The following GRIN2B variants were observed in gnomAD, a reference collection of about 807,000 sequenced individuals.
GRIN2B encodes the protein glutamate receptor ionotropic, NMDA 2B.
A neutral mutation model predicts 114.5 loss-of-function variants in GRIN2B; 5 were observed. The ratio of observed to expected loss-of-function variants is 0.04; its 90% CI spans 0.02 to 0.09. The LOEUF (loss-of-function observed/expected upper bound fraction) is 0.09. Among genes scored for constraint, GRIN2B ranks in the 10% least tolerant of loss-of-function variants. The pLI, the probability that GRIN2B is intolerant of heterozygous loss-of-function variation, is 1.00. For missense variants in GRIN2B, 1,108 were observed against 1,943.5 expected (o/e 0.57, Z 8.08); for synonymous variants, 787 against 745.1 (o/e 1.06, Z -0.92).
intron 3 of GRIN2B, among the ~76,000 whole-genome samples, chr12:13,815,358 T>C (rs184810417): frequency 1.1e-4 from 17 of 150,634 alleles, no homozygotes; most frequent in African/African-American, 4.2e-4. Flanking sequence ...AGTAAAGGCA[T>C]CATTCAGAAC....
chr12:13,777,130 C>G (rs1473594736), intron 3 of GRIN2B, among the ~76,000 whole-genome samples: 1 of 152,156 alleles, frequency 6.6e-6, no homozygotes, highest in Non-Finnish European at 1.5e-5. Context: ...GTAAGAATCG[C>G]TTCTGAATAT....
intron 3 of GRIN2B, among the ~76,000 whole-genome samples, chr12:13,813,131 G>A (rs1864764449): frequency 6.6e-6 from 1 of 151,760 alleles, no homozygotes. Flanking sequence ...GTAGAGATAG[G>A]GTTTCACCAT....
In GRIN2B at chr12:13,832,997, T is replaced by C. The variant is rs139708638; in HGVS notation, c.411+32801A>G. Among the ~76,000 whole-genome samples, 780 of 152,282 alleles carry C rather than the reference T, an allele frequency of 5.1e-3. 3 individuals carry two copies. Among genetic ancestry groups the C allele is most frequent in the South Asian group, 0.013 (64 of 4,830 alleles). On this transcript the variant is annotated intron_variant, in intron 3 of 13. Transcript: ENST00000609686. Reference sequence around the variant, plus strand: ...TCTGATGAATAAAACATATCATGAATAAATAGTATGGAGGAACAAAGCGGA... The same window carrying C: ...TCTGATGAATAAAACATATCATGAACAAATAGTATGGAGGAACAAAGCGGA...
chr12:13,680,887 C>A (rs1950124698), intron 4 of GRIN2B, among the ~76,000 whole-genome samples: 1 of 152,144 alleles, frequency 6.6e-6, no homozygotes, highest in African/African-American at 2.4e-5. Context: ...AATCTACCTG[C>A]TTGCCTGCTT....
chr12:13,687,405 G>A (rs1950182024), intron 4 of GRIN2B, among the ~76,000 whole-genome samples: 2 of 151,880 alleles, frequency 1.3e-5, no homozygotes, highest in Non-Finnish European at 2.9e-5. Context: ...ACTTTGACTT[G>A]AAACTCCCCA....
At chr12:13,703,987 G>A (rs1158179464) in intron 4 of GRIN2B, among the ~76,000 whole-genome samples, 1 of 152,164 alleles carries the variant, frequency 6.6e-6, no homozygotes, top group Non-Finnish European at 1.5e-5. Flanking sequence ...AGAGGAAGAG[G>A]CTAGGATAAG....
chr12:13,882,178 A>G (rs1407988250), intron 2 of GRIN2B, among the ~76,000 whole-genome samples: 1 of 152,232 alleles, frequency 6.6e-6, no homozygotes, highest in Non-Finnish European at 1.5e-5. Flanking sequence ...TCATTTGCCA[A>G]GAGGAAGGGA....
chr12:13,550,437 A>G lies in GRIN2B; in HGVS notation c.*12346T>C, dbSNP rs534427233. On this transcript the variant is annotated 3_prime_UTR_variant, in exon 14 of 14. Transcript: ENST00000609686. ...TCGTGCCTGTTACCAAGAAATAACC[A>G]AAGTGAATGCGCTGATCACTGAAGG... is the stretch of plus-strand genomic sequence containing the variant. 18 of 152,224 alleles carry G rather than the reference A, an allele frequency of 1.2e-4. No individual in the cohort carries two copies. The highest frequency in any genetic ancestry group is 2.6e-4 in the Non-Finnish European group (18 of 68,040). The allele number at this position is 152,224 out of a possible 1,614,324, so 9.4% of individuals were successfully genotyped here.
chr12:13,683,037 C>G lies in GRIN2B; in HGVS notation c.1011-7178G>C, dbSNP rs1350874841. Among the ~76,000 whole-genome samples, 3 of 152,116 alleles carry G rather than the reference C, an allele frequency of 2.0e-5. No individual in the cohort carries two copies. The East Asian group carries it at 5.8e-4, about 29-fold the overall frequency. On this transcript the variant is annotated intron_variant, in intron 4 of 13. Transcript: ENST00000609686. ...TGAGAATTTTAAGGAGTTCTGTCAC[C>G]AGCTGTGATAACCTCCTATCTATGC...
intron 3 of GRIN2B, among the ~76,000 whole-genome samples, chr12:13,803,739 C>A (rs1005420058): frequency 2.6e-5 from 4 of 152,044 alleles, no homozygotes; most frequent in African/African-American, 9.7e-5. Flanking sequence ...TACCCTAAAC[C>A]CTATGGTGAG....
At chr12:13,832,967 G>T (rs375917146) in intron 3 of GRIN2B, among the ~76,000 whole-genome samples, 1 of 152,008 alleles carries the variant, frequency 6.6e-6, no homozygotes, top group African/African-American at 2.4e-5. Context: ...AAAAAAAATC[G>T]TCATTCTGAT....
In GRIN2B at chr12:13,615,934, G is replaced by C. The variant is rs143271964; in HGVS notation, c.1329-270C>G. ...CATAAGAAAAGGGTGCATATTTGAA[G>C]GCTTCAGTTCAATGACTTTTCAGAC... On this transcript the variant is annotated intron_variant, in intron 6 of 13. Transcript: ENST00000609686. The surrounding 1 kb of genome is among the most constrained non-coding windows in gnomAD (Gnocchi z 5.8). Among the ~76,000 whole-genome samples, 203 of 152,198 alleles carry C rather than the reference G, an allele frequency of 1.3e-3. No homozygotes were observed. The highest frequency in any genetic ancestry group is 4.7e-3 in the African/African-American group (196 of 41,522).
At chr12:13,810,567 C>T (rs2284421) in intron 3 of GRIN2B, among the ~76,000 whole-genome samples, 18,983 of 151,998 alleles carry the variant, frequency 0.12, 1,271 homozygotes, top group South Asian at 0.19. Flanking sequence ...TGAGTGGAGC[C>T]TGTATATTTT....
chr12:13,694,835 TCA>T (rs1950247090), intron 4 of GRIN2B, among the ~76,000 whole-genome samples: 2 of 151,308 alleles, frequency 1.3e-5, no homozygotes, highest in South Asian at 2.1e-4. Flanking sequence ...GAGACACTAC[TCA>T]CATTACTTTT....
chr12:13,569,789 C>G (rs752630828), intron 12 of GRIN2B, 41 bp downstream of exon 12: 6 of 1,276,028 alleles, frequency 4.7e-6, no homozygotes, highest in Non-Finnish European at 6.6e-6. Flanking sequence ...GACTGGCCAT[C>G]AGTAGAGGAC....
chr12:13,954,523 C>T (rs929045590), intron 2 of GRIN2B, among the ~76,000 whole-genome samples: 1 of 152,046 alleles, frequency 6.6e-6, no homozygotes, highest in Non-Finnish European at 1.5e-5. Flanking sequence ...TTCAGGGGAA[C>T]CACTGGGTGA....
chr12:13,961,692 T>C (rs1279936344), intron 2 of GRIN2B, among the ~76,000 whole-genome samples: 2 of 152,150 alleles, frequency 1.3e-5, no homozygotes, highest in Non-Finnish European at 2.9e-5. Context: ...TTCCACAGCA[T>C]GAGGAGCTGT....
At chr12:13,926,061 A>C (rs924479352) in intron 2 of GRIN2B, among the ~76,000 whole-genome samples, 7 of 152,252 alleles carry the variant, frequency 4.6e-5, no homozygotes, top group Non-Finnish European at 8.8e-5. Flanking sequence ...AGTAAAGGCC[A>C]AGTCCTGTGT....
intron 3 of GRIN2B, among the ~76,000 whole-genome samples, chr12:13,760,473 G>A (rs2136636227): frequency 6.6e-6 from 1 of 152,254 alleles, no homozygotes; most frequent in South Asian, 2.1e-4. Flanking sequence ...TAATATCATA[G>A]GGAATATAAT....
Sources: allele counts gnomAD v4.1 joint callset (sites outside exome capture counted in the v4.1 genomes callset), GRCh38; gene constraint gnomAD v4.1.1; non-coding constraint Gnocchi (gnomAD v3.1); transcripts MANE v1.5; gene names NCBI Gene and HGNC (gene_info 2026-07-23, HGNC 2026-07-21).